The following CAPZB variants were observed in gnomAD, a reference collection of about 807,000 sequenced individuals.
CAPZB encodes the protein capping actin protein of muscle Z-line subunit beta.
Under a neutral mutation model 38.1 loss-of-function variants are expected in CAPZB, and 2 were observed. The observed-to-expected ratio is 0.05, with a 90% CI of 0.02 to 0.17. The LOEUF (loss-of-function observed/expected upper bound fraction) is 0.17. Ranked by LOEUF, CAPZB falls within the 10% of genes least tolerant of loss-of-function variation. The probability of loss-of-function intolerance (pLI) is 1.00; values close to 1 mark genes in which losing one functional copy is unlikely to be tolerated. For synonymous variants in CAPZB, 107 were observed against 127.4 expected (o/e 0.84, Z 1.08); for missense variants, 161 against 334.2 (o/e 0.48, Z 4.04).
At chr1:19,387,866 GGGAAATGCAC>G (rs1046758715) in intron 2 of CAPZB, among the ~76,000 whole-genome samples, 15 of 152,372 alleles carry the variant, frequency 9.8e-5, no homozygotes, top group Admixed American at 9.1e-4. Flanking sequence ...GCCTGGCACA[GGGAAATGCAC>G]GTATGTTACT....
At chr1:19,350,228 G>A (rs530802586) in intron 6 of CAPZB, among the ~76,000 whole-genome samples, 3 of 152,400 alleles carry the variant, frequency 2.0e-5, no homozygotes, top group Admixed American at 2.0e-4. Context: ...CCCACTCACC[G>A]GCGCTGAGGC....
chr1:19,351,959 G>A (rs2093993942), intron 6 of CAPZB, among the ~76,000 whole-genome samples: 1 of 152,146 alleles, frequency 6.6e-6, no homozygotes, highest in Admixed American at 6.5e-5. Context: ...TCCACCCCAG[G>A]TCATCTGGCA....
At chr1:19,341,734 C>T (rs2093930178) in intron 8 of CAPZB, among the ~76,000 whole-genome samples, 1 of 152,256 alleles carries the variant, frequency 6.6e-6, no homozygotes, top group Admixed American at 6.5e-5. Context: ...GATGGAAATG[C>T]CTGATGGCCA....
intron 4 of CAPZB, among the ~76,000 whole-genome samples, chr1:19,358,663 C>T (rs545703150): frequency 2.0e-5 from 3 of 152,286 alleles, no homozygotes; most frequent in Middle Eastern, 3.4e-3. Flanking sequence ...AAAAACTATG[C>T]GAAATCTCAT....
At position 19,404,670 on chromosome 1, in the gene CAPZB, G is replaced by A. The variant is rs572931045; in HGVS notation, c.93+14991C>T. 5.3e-5 allele frequency among the ~76,000 whole-genome samples: 8 copies of A among 152,094 alleles called. No individual in the cohort carries two copies. In the East Asian group the frequency reaches 1.5e-3, roughly 29 times the overall value. ...GGACATTTCAGAGCCCGATCAAGCA[G>A]CATTCACCCACCTATCTGGCCAAAC... On this transcript the variant is annotated intron_variant, in intron 2 of 8. Transcript: ENST00000264202.
chr1:19,362,181 G>A (rs114108232), intron 4 of CAPZB, among the ~76,000 whole-genome samples: 1,453 of 141,598 alleles, frequency 0.01, 19 homozygotes, highest in Non-Finnish European at 0.017. Flanking sequence ...GGTAGAAGGG[G>A]GAAATTTTTA....
chr1:19,394,575 G>A (rs990532361), intron 2 of CAPZB, among the ~76,000 whole-genome samples: 1 of 152,116 alleles, frequency 6.6e-6, no homozygotes, highest in African/African-American at 2.4e-5. Context: ...ACAAAAATTA[G>A]CCGGGCGTGG....
In CAPZB at chr1:19,416,054, G is replaced by A. The variant is rs1477493858; in HGVS notation, c.93+3607C>T. On this transcript the variant is annotated intron_variant, in intron 2 of 8. Coordinates refer to ENST00000264202, the MANE Select transcript of CAPZB (RefSeq NM_004930.5). ...GCCCCAGGTGGCCTCCACACAGCCG[G>A]TGAAGGGAGCTGGTGCCTCTCAGGC... Among the ~76,000 whole-genome samples the A allele has an allele frequency of 2.6e-5, 4 of 152,376 alleles. No individual in the cohort carries two copies. The East Asian group carries it at 7.7e-4, about 29-fold the overall frequency.
intron 1 of CAPZB, among the ~76,000 whole-genome samples, chr1:19,452,786 TTTC>T (rs1211575382): frequency 7.8e-6 from 1 of 127,566 alleles, no homozygotes; most frequent in African/African-American, 2.8e-5. Flanking sequence ...GTCAGAATAA[TTTC>T]TTTCTTTTTT....
intron 1 of CAPZB, among the ~76,000 whole-genome samples, chr1:19,472,504 T>C (rs142731927): frequency 6.6e-6 from 1 of 152,234 alleles, no homozygotes; most frequent in Non-Finnish European, 1.5e-5. Context: ...ATGACAGCTT[T>C]ATCCTCATAC....
chr1:19,448,960 G>A, intron 1 of CAPZB: 1 of 1,610,682 alleles, frequency 6.2e-7, no homozygotes, highest in Non-Finnish European at 8.5e-7. Flanking sequence ...AGGCAGGGGA[G>A]GCGAGGGGGC....
At chr1:19,350,614 T>A (rs201618933) in intron 6 of CAPZB, among the ~76,000 whole-genome samples, 2 of 84,046 alleles carry the variant, frequency 2.4e-5, no homozygotes, top group South Asian at 7.8e-4. Flanking sequence ...TAGCAGTAAT[T>A]GTTTTTATTT....
intron 4 of CAPZB, among the ~76,000 whole-genome samples, chr1:19,358,864 T>C (rs1387148494): frequency 6.6e-6 from 1 of 152,084 alleles, no homozygotes; most frequent in African/African-American, 2.4e-5. Flanking sequence ...GCTGGGAAGG[T>C]GGGCCGCAGA....
In CAPZB at chr1:19,459,115, G is replaced by C. The variant is rs181404922; in HGVS notation, c.3+26321C>G. ...CAAAGGCCTCCTCCACCTTCAACCA[G>C]GTCCCATTTTTCCAGGCCAGAGTCT... On this transcript the variant is annotated intron_variant, in intron 1 of 8. Coordinates refer to ENST00000264202, the MANE Select transcript of CAPZB (RefSeq NM_004930.5). Among the ~76,000 whole-genome samples the C allele has an allele frequency of 1.8e-4, 28 of 152,266 alleles. No individual in the cohort carries two copies. The East Asian group carries it at 4.1e-3, about 22-fold the overall frequency.
At chr1:19,484,273 G>T in intron 1 of CAPZB, 1 of 1,611,786 alleles carries the variant, frequency 6.2e-7, no homozygotes, top group Non-Finnish European at 8.5e-7. Context: ...CGCCTGCTTG[G>T]GTGCATCGTG....
rs528332377 is a variant in CAPZB at position 19,403,387 on chromosome 1, T to C, written c.93+16274A>G. 6.6e-5 allele frequency among the ~76,000 whole-genome samples: 10 copies of C among 152,008 alleles called. No individual in the cohort carries two copies. In the South Asian group the frequency reaches 1.7e-3, roughly 25 times the overall value. On this transcript the variant is annotated intron_variant, in intron 2 of 8. Coordinates refer to ENST00000264202, the MANE Select transcript of CAPZB (RefSeq NM_004930.5). ...GAGGGAAGTGAGGCTCCAGCGGAGA[T>C]GGGAAGATGAGCAGTTAGAGGGAGC...
intron 3 of CAPZB, among the ~76,000 whole-genome samples, chr1:19,385,075 G>C (rs2094196392): frequency 1.3e-5 from 2 of 152,140 alleles, no homozygotes; most frequent in Non-Finnish European, 2.9e-5. Flanking sequence ...ATCTGACAGA[G>C]CTGCGTTCGT....
intron 1 of CAPZB, among the ~76,000 whole-genome samples, chr1:19,442,965 C>T (rs2094483377): frequency 1.3e-5 from 2 of 152,136 alleles, no homozygotes; most frequent in South Asian, 2.1e-4. Context: ...ATCCTATCAG[C>T]GTCCAGAGGA....
intron 3 of CAPZB, among the ~76,000 whole-genome samples, chr1:19,385,295 C>T (rs986788578): frequency 3.9e-5 from 6 of 152,182 alleles, no homozygotes; most frequent in African/African-American, 1.4e-4. Context: ...ACTCTTCAAA[C>T]GTCTGCTGCA....
Sources: allele counts gnomAD v4.1 joint callset (sites outside exome capture counted in the v4.1 genomes callset), GRCh38; gene constraint gnomAD v4.1.1; transcripts MANE v1.5; gene names NCBI Gene and HGNC (gene_info 2026-07-23, HGNC 2026-07-21).